Variants in EPB42 observed in about 807,000 individuals in gnomAD.
EPB42 encodes the protein erythrocyte membrane protein band 4.2, also known as protein 4.2.
EPB42 carries 49 observed loss-of-function variants against 76.9 expected under a neutral mutation model. The ratio of observed to expected loss-of-function variants is 0.64; its 90% CI spans 0.51 to 0.81. The LOEUF is 0.81. Ranked by LOEUF, EPB42 falls within the 30% of genes least tolerant of loss-of-function variation. The pLI, the probability that EPB42 is intolerant of heterozygous loss-of-function variation, is 0.00. For synonymous variants in EPB42, 310 were observed against 338.4 expected (o/e 0.92, Z 0.92); for missense variants, 731 against 867.6 (o/e 0.84, Z 1.98).
chr15:43,202,529 C>T (rs2042141769), intron 11 of EPB42, among the ~76,000 whole-genome samples: 1 of 152,346 alleles, frequency 6.6e-6, no homozygotes, highest in Non-Finnish European at 1.5e-5. Flanking sequence ...CTTTGCTTCA[C>T]TTATTCCATA....
At chr15:43,197,489 C>T (rs1418911647) in intron 12 of EPB42, 25 bp from the exon 13 acceptor site, 1 of 1,613,198 alleles carries the variant, frequency 6.2e-7, no homozygotes, top group South Asian at 1.1e-5. Flanking sequence ...AAGGCAGGTG[C>T]TAGTTCTGTC....
intron 6 of EPB42, 51 bp from the exon 7 acceptor site, chr15:43,208,826 G>C: frequency 3.1e-6 from 5 of 1,593,400 alleles, no homozygotes; most frequent in Non-Finnish European, 4.3e-6. Flanking sequence ...ACCGGGCTGG[G>C]GGCGTGTGGG....
intron 3 of EPB42, among the ~76,000 whole-genome samples, chr15:43,214,350 G>T (rs1451393925): frequency 6.6e-6 from 1 of 152,186 alleles, no homozygotes; most frequent in African/African-American, 2.4e-5. Flanking sequence ...GGTTGGGGGG[G>T]CGGGGCACAG....
chr15:43,217,534 G>C (rs2042397810), intron 1 of EPB42, among the ~76,000 whole-genome samples: 2 of 12,082 alleles, frequency 1.7e-4, no homozygotes, highest in Non-Finnish European at 4.5e-4. Flanking sequence ...AAGGAACAAT[G>C]CTGGAAAAAA....
At chr15:43,220,288 C>A (rs567313189) in intron 1 of EPB42, among the ~76,000 whole-genome samples, 1 of 152,222 alleles carries the variant, frequency 6.6e-6, no homozygotes, top group Non-Finnish European at 1.5e-5. Flanking sequence ...GTGTTGGTTT[C>A]TTGCTTTGTG....
rs368549543 is a variant in EPB42 at position 43,208,312 on chromosome 15, C to G, written c.993G>C (p.Glu331Asp). Residue 331 changes from glutamate (E) to aspartate (D), a missense_variant, in exon 8 of 13, where the codon GAG becomes GAC. Transcript: ENST00000441366. ...GRIWIFQTSTECWMTRPALPQ... is the reference protein window; with the variant it reads ...GRIWIFQTSTDCWMTRPALPQ... ...GCAAGGCAGGCCGCGTCATCCAGCA[C>G]TCTGTGGAAGTCTGGAAGATCCTGA... The G allele has an allele frequency of 2.5e-6, 4 of 1,614,134 alleles. No individual in the cohort carries two copies. The highest frequency in any genetic ancestry group is 3.4e-6 in the Non-Finnish European group (4 of 1,179,990).
At position 43,197,558 on chromosome 15, in the gene EPB42, G is replaced by T. The variant is rs111830267; in HGVS notation, c.1914-94C>A. On this transcript the variant is annotated intron_variant, in intron 12 of 12. Coordinates refer to ENST00000441366, the MANE Select transcript of EPB42 (RefSeq NM_001114134.2). ...TGATCCTTCCTTGCTTGAAGAGGTG[G>T]ACCATGCAGAAATAAACATCTAAGT... is the stretch of plus-strand genomic sequence containing the variant. 3,677 of 1,422,726 alleles carry T rather than the reference G, an allele frequency of 2.6e-3. 69 individuals are homozygous for T. In the African/African-American group the frequency reaches 0.046, roughly 18 times the overall value. 88.1% of individuals were successfully genotyped at this position (1,422,726 alleles called of 1,614,324 possible).
intron 3 of EPB42, among the ~76,000 whole-genome samples, chr15:43,213,452 C>T (rs956681311): frequency 6.6e-6 from 1 of 152,200 alleles, no homozygotes; most frequent in South Asian, 2.1e-4. Flanking sequence ...CAGAGACCTC[C>T]ACCCACACTC....
At chr15:43,201,284 G>T (rs371576225) in intron 12 of EPB42, among the ~76,000 whole-genome samples, 1 of 152,086 alleles carries the variant, frequency 6.6e-6, no homozygotes, top group Non-Finnish European at 1.5e-5. Context: ...AGACATATGG[G>T]CATAAATCTT....
Position 43,208,792 on chromosome 15 carries a change from G to T in EPB42, c.833-17C>A. 2.5e-6 allele frequency: 4 copies of T among 1,613,020 alleles called. No homozygotes were observed. The highest frequency in any genetic ancestry group is 3.4e-6 in the Non-Finnish European group (4 of 1,179,556). ...ATCGCAGCACTGTGAGAAGAGGGGC[G>T]GAGTGTCAGGGGGCGCTTGAGAGAC... On this transcript the variant is annotated splice_polypyrimidine_tract_variant and intron_variant, in intron 6 of 12. Transcript: ENST00000441366.
chr15:43,197,476 G>C lies in EPB42; in HGVS notation c.1914-12C>G, dbSNP rs757805805. ...ACACTGAACGGAATCTGAAATAAAG[G>C]AAAAGGCAGGTGCTAGTTCTGTCCC... is the stretch of plus-strand genomic sequence containing the variant. On this transcript the variant is annotated splice_polypyrimidine_tract_variant and intron_variant, in intron 12 of 12. Transcript: ENST00000441366. 2.5e-6 allele frequency: 4 copies of C among 1,613,646 alleles called. No homozygotes were observed. The highest frequency in any genetic ancestry group is 3.4e-6 in the Non-Finnish European group (4 of 1,180,034).
In EPB42 at chr15:43,209,465, T is replaced by A; in HGVS notation, c.655-14A>T. The A allele has an allele frequency of 6.2e-7, 1 of 1,606,030 alleles. No individual in the cohort carries two copies. The highest frequency in any genetic ancestry group is 8.5e-7 in the Non-Finnish European group (1 of 1,175,632). The stretch of plus-strand genomic sequence containing the variant: ...GAGAAAATGCAGCTGTTTGGGGAAA[T>A]GTGTGGATGTCAGTATGAGTCCCTT... On this transcript the variant is annotated splice_polypyrimidine_tract_variant and intron_variant, in intron 5 of 12. Transcript: ENST00000441366.
chr15:43,219,435 G>A (rs187299660), intron 1 of EPB42, among the ~76,000 whole-genome samples: 1 of 152,266 alleles, frequency 6.6e-6, no homozygotes, highest in East Asian at 1.9e-4. Flanking sequence ...ATTGGCTCTT[G>A]CAAGTCAGCA....
intron 7 of EPB42, 138 bp from the exon 8 acceptor site, chr15:43,208,471 G>C (rs1208086927): frequency 1.4e-6 from 2 of 1,388,040 alleles, no homozygotes; most frequent in Non-Finnish European, 2.0e-6. Context: ...GGCACTCCCA[G>C]GAAGGGGCGT....
At chr15:43,215,001 G>A in intron 3 of EPB42, 94 bp downstream of exon 3, 2 of 1,082,096 alleles carry the variant, frequency 1.8e-6, no homozygotes, top group Non-Finnish European at 2.8e-6. Context: ...GGCTGCCACA[G>A]GGGCCTGGTG....
intron 5 of EPB42, among the ~76,000 whole-genome samples, chr15:43,209,887 CAT>C (rs1417421289): frequency 6.6e-5 from 10 of 152,262 alleles, no homozygotes; most frequent in African/African-American, 1.9e-4. Flanking sequence ...ATGGTGAACA[CAT>C]GACTCCTCTG....
chr15:43,214,329 G>T (rs1343037163), intron 3 of EPB42, among the ~76,000 whole-genome samples: 1 of 152,176 alleles, frequency 6.6e-6, no homozygotes, highest in Non-Finnish European at 1.5e-5. Flanking sequence ...AGCTTTGCTA[G>T]AGGTGGCCAC....
intron 10 of EPB42, 66 bp from the exon 11 acceptor site, chr15:43,203,341 C>T (rs548711188): frequency 1.3e-6 from 2 of 1,597,936 alleles, no homozygotes; most frequent in Admixed American, 1.7e-5. Context: ...GCCATAGTTA[C>T]ACACACAATA....
chr15:43,197,364 T>G lies in EPB42; in HGVS notation c.2014A>C (p.Met672Leu). The G allele has an allele frequency of 6.2e-7, 1 of 1,614,252 alleles. No individual in the cohort carries two copies. Among genetic ancestry groups the G allele is most frequent in the Non-Finnish European group, 8.5e-7 (1 of 1,180,054 alleles). Residue 672 changes from methionine to leucine, a missense_variant, in exon 13 of 13, where the codon ATG becomes CTG. By Grantham distance (15) the Met-to-Leu change is conservative. Transcript: ENST00000441366. ...QRLTVEVDCN[M>L]FQNLTNYKSV... is the part of the protein sequence containing the mutation. The stretch of plus-strand genomic sequence containing the variant: ...TTATAGTTGGTTAGGTTCTGGAACA[T>G]GTTGCAGTCCACTTCCACAGTGAGT...
Sources: allele counts gnomAD v4.1 joint callset (sites outside exome capture counted in the v4.1 genomes callset), GRCh38; gene constraint gnomAD v4.1.1; transcripts MANE v1.5; gene names NCBI Gene and HGNC (gene_info 2026-07-23, HGNC 2026-07-21).